Variants in MIER1 observed in about 807,000 individuals in gnomAD.
MIER1 encodes MIER1 transcriptional regulator, also known as mesoderm induction early response protein 1.
A neutral mutation model predicts 75.7 loss-of-function variants in MIER1; 40 were observed. The observed-to-expected ratio is 0.53, with a 90% CI of 0.41 to 0.69. The LOEUF (loss-of-function observed/expected upper bound fraction) is 0.69, where lower values mean the gene tolerates loss of function less well. MIER1 is among the 30% of genes least tolerant of loss of function. The pLI is 0.00. For missense variants in MIER1, 574 were observed against 680.2 expected (o/e 0.84, Z 1.74); for synonymous variants, 213 against 223.4 (o/e 0.95, Z 0.42).
chr1:66,940,825 A>G (rs1167731850), intron 3 of MIER1, among the ~76,000 whole-genome samples: 2 of 152,178 alleles, frequency 1.3e-5, no homozygotes, highest in Non-Finnish European at 2.9e-5. Context: ...GGAAAGAGTC[A>G]AGTACTAGTC....
intron 3 of MIER1, among the ~76,000 whole-genome samples, chr1:66,942,557 G>C (rs1656493273): frequency 6.6e-6 from 1 of 151,972 alleles, no homozygotes; most frequent in Admixed American, 6.6e-5. Flanking sequence ...TTTATACAAA[G>C]CACCAGAGCC....
chr1:66,934,514 T>C (rs556909652), intron 2 of MIER1, among the ~76,000 whole-genome samples: 2 of 148,834 alleles, frequency 1.3e-5, no homozygotes, highest in African/African-American at 4.9e-5. Context: ...AGGTGATCAA[T>C]CCTTCCCTCA....
chr1:66,930,214 GC>G (rs1558011134), intron 2 of MIER1: 4 of 1,384,218 alleles, frequency 2.9e-6, no homozygotes, highest in Non-Finnish European at 9.4e-7. Context: ...CCGCGAGGGG[GC>G]GGAGTGGGGT....
At chr1:66,969,141 A>G (rs565932434) in intron 8 of MIER1, among the ~76,000 whole-genome samples, 1 of 152,328 alleles carries the variant, frequency 6.6e-6, no homozygotes, top group African/African-American at 2.4e-5. Context: ...AAGATTTTCT[A>G]AATATTTTCC....
intron 7 of MIER1, 55 bp from the exon 8 acceptor site, chr1:66,963,033 G>T: frequency 8.2e-7 from 1 of 1,215,004 alleles, no homozygotes; most frequent in Non-Finnish European, 1.2e-6. Context: ...GCTAGAAAAT[G>T]GATATAAAAT....
chr1:66,976,171 T>C (rs1173489254), intron 11 of MIER1, among the ~76,000 whole-genome samples: 1 of 151,764 alleles, frequency 6.6e-6, no homozygotes, highest in Admixed American at 6.6e-5. Context: ...GCCCGGCTAA[T>C]TTTTGTATTT....
intron 2 of MIER1, among the ~76,000 whole-genome samples, chr1:66,934,352 CCCAG>C (rs1246102645): frequency 6.6e-6 from 1 of 152,000 alleles, no homozygotes; most frequent in Non-Finnish European, 1.5e-5. Context: ...TAGACTGGAA[CCCAG>C]CCTTCTGTAT....
intron 4 of MIER1, among the ~76,000 whole-genome samples, chr1:66,957,076 C>T (rs1242904210): frequency 6.6e-6 from 1 of 152,034 alleles, no homozygotes. Flanking sequence ...TGCTTCAGAC[C>T]ATGTGCATTG....
rs889810589 is a variant in MIER1, at chr1:66,986,315, G to A, written c.*1415G>A. 51 of 1,522,168 alleles carry A rather than the reference G, an allele frequency of 3.4e-5. No individual in the cohort carries two copies. In the Admixed American group the frequency reaches 1.1e-3, roughly 32 times the overall value. 94.3% of individuals were successfully genotyped at this position (1,522,168 alleles called of 1,614,324 possible). A position where few individuals can be genotyped will look rare whatever the true frequency, so the allele number is the denominator to read the frequency against. On this transcript the variant is annotated 3_prime_UTR_variant, in exon 14 of 14. Transcript: ENST00000401041. ...ATTTTATTTTTAGTGCTAAATTCTT[G>A]TTAAATAATGTAGTTTTATATAGCT...
At chr1:66,976,503 C>T (rs1664757507) in intron 11 of MIER1, 92 bp from the exon 12 acceptor site, 5 of 1,271,250 alleles carry the variant, frequency 3.9e-6, no homozygotes, top group South Asian at 1.5e-5. Context: ...CAGTTAAGGA[C>T]TAGCCAAATT....
chr1:66,965,418 AAT>A (rs1662177987), intron 8 of MIER1, among the ~76,000 whole-genome samples: 1 of 151,854 alleles, frequency 6.6e-6, no homozygotes, highest in Non-Finnish European at 1.5e-5. Flanking sequence ...TATAGTTGAA[AAT>A]AGTTTTATTG....
intron 1 of MIER1, chr1:66,925,358 G>C: frequency 2.0e-6 from 2 of 985,360 alleles, no homozygotes; most frequent in Non-Finnish European, 2.4e-6. Context: ...CGGTGGTGGC[G>C]CCGCGCTGGG....
rs546785360 is a variant in MIER1, at chr1:66,951,290, G to A, written c.339+4995G>A. ...ACTGTAGGCGTGCACCACTATGCCCGGCTAATTTTTTATTTTTTTGTAGAG... is the reference window on the plus strand; with the variant it reads ...ACTGTAGGCGTGCACCACTATGCCCAGCTAATTTTTTATTTTTTTGTAGAG... On this transcript the variant is annotated intron_variant, in intron 4 of 13. Transcript: ENST00000401041. Among the ~76,000 whole-genome samples the A allele has an allele frequency of 4.6e-5, 7 of 152,118 alleles. No homozygotes were observed. In the South Asian group the frequency reaches 1.0e-3, roughly 23 times the overall value.
intron 9 of MIER1, 78 bp downstream of exon 9, chr1:66,971,037 T>C (rs752113791): frequency 2.4e-5 from 32 of 1,356,156 alleles, no homozygotes; most frequent in Non-Finnish European, 3.1e-5. Context: ...ATTGTTGTTA[T>C]TCTGTCCACC....
At chr1:66,983,970 C>T (rs977548645) in intron 13 of MIER1, among the ~76,000 whole-genome samples, 20 of 152,180 alleles carry the variant, frequency 1.3e-4, no homozygotes, top group African/African-American at 3.9e-4. Context: ...ATGATACACC[C>T]GCCTTGGCCT....
chr1:66,939,340 TGTTTGTGGTTAAATTTATGACAG>T (rs1655637153), intron 2 of MIER1, among the ~76,000 whole-genome samples: 1 of 152,126 alleles, frequency 6.6e-6, no homozygotes, highest in South Asian at 2.1e-4. Flanking sequence ...ATTTTCAAGT[TGTTTGTGGTTAAATTTATGACAG>T]GTAGAATGGT....
intron 8 of MIER1, among the ~76,000 whole-genome samples, chr1:66,965,668 C>T (rs1164918796): frequency 1.3e-5 from 2 of 152,090 alleles, no homozygotes; most frequent in African/African-American, 2.4e-5. Flanking sequence ...TACAAACAAT[C>T]CATTTATACT....
chr1:66,930,270 A>G, intron 2 of MIER1: 1 of 1,542,062 alleles, frequency 6.5e-7, no homozygotes, highest in Non-Finnish European at 8.7e-7. Context: ...CCGCCGAGGC[A>G]GTGGCGGCGG....
chr1:66,949,189 CTT>C (rs1658351980), intron 4 of MIER1, among the ~76,000 whole-genome samples: 1 of 151,990 alleles, frequency 6.6e-6, no homozygotes, highest in Non-Finnish European at 1.5e-5. Flanking sequence ...TATTTTCTGT[CTT>C]ATATTCTATA....
Sources: gnomAD v4.1 joint callset for allele counts (sites outside exome capture counted in the v4.1 genomes callset) on GRCh38, gnomAD v4.1.1 for gene constraint, MANE v1.5 for transcripts, NCBI Gene and HGNC (gene_info 2026-07-23, HGNC 2026-07-21) for gene names.